Variants in RBM19 observed in about 807,000 individuals in gnomAD.
The protein encoded by RBM19 is RNA binding motif protein 19.
A neutral mutation model predicts 116.8 loss-of-function variants in RBM19; 94 were observed. The ratio of observed to expected loss-of-function variants is 0.80; its 90% CI spans 0.68 to 0.95. The LOEUF (loss-of-function observed/expected upper bound fraction) is 0.95, where lower values mean the gene tolerates loss of function less well. RBM19 is among the 40% of genes least tolerant of loss of function. RBM19 has a pLI of 0.00. For synonymous variants in RBM19, 475 were observed against 494.1 expected (o/e 0.96, Z 0.51); for missense variants, 1,161 against 1,220.7 (o/e 0.95, Z 0.73).
At chr12:113,908,219 C>T (rs1882196139) in intron 21 of RBM19, among the ~76,000 whole-genome samples, 1 of 152,118 alleles carries the variant, frequency 6.6e-6, no homozygotes. Context: ...TGTGTCTCTG[C>T]CCTAGCAGAT....
At chr12:113,960,909 G>C (rs931157464) in intron 2 of RBM19, among the ~76,000 whole-genome samples, 4 of 152,238 alleles carry the variant, frequency 2.6e-5, no homozygotes, top group Admixed American at 2.6e-4. Flanking sequence ...TCCTCTGAGA[G>C]GACTTTGAGA....
At chr12:113,895,576 A>G (rs919267658) in intron 21 of RBM19, among the ~76,000 whole-genome samples, 7 of 152,182 alleles carry the variant, frequency 4.6e-5, no homozygotes, top group Non-Finnish European at 1.0e-4. Flanking sequence ...TGGACACAAC[A>G]CTATCACATC....
intron 20 of RBM19, among the ~76,000 whole-genome samples, chr12:113,915,766 G>C (rs372560371): frequency 6.6e-6 from 1 of 152,188 alleles, no homozygotes; most frequent in Admixed American, 6.5e-5. Flanking sequence ...GTAATGATAG[G>C]CCCACCTAAT....
Position 113,948,824 on chromosome 12 carries a change from C to T in RBM19, c.1276+9G>A. ...TGGGCTATCCACGGCCCGGAGGCCA[C>T]ACCCCTACCATATTTGGAGAAGAGC... On this transcript the variant is annotated intron_variant, in intron 10 of 23. Coordinates refer to ENST00000261741, the MANE Select transcript of RBM19 (RefSeq NM_016196.4). The T allele has an allele frequency of 6.2e-7, 1 of 1,614,034 alleles. No homozygotes were observed. Among genetic ancestry groups the T allele is most frequent in the Non-Finnish European group, 8.5e-7 (1 of 1,179,940 alleles).
chr12:113,886,450 C>G (rs1484328358), intron 21 of RBM19, among the ~76,000 whole-genome samples: 1 of 152,118 alleles, frequency 6.6e-6, no homozygotes, highest in East Asian at 1.9e-4. Flanking sequence ...CCATTTTAAC[C>G]AGTGACAGAC....
chr12:113,899,837 C>T (rs146404399), intron 21 of RBM19, among the ~76,000 whole-genome samples: 29 of 152,234 alleles, frequency 1.9e-4, no homozygotes, highest in Non-Finnish European at 3.7e-4. Flanking sequence ...GAAGACATGG[C>T]GCGCAATTAT....
chr12:113,965,028 T>C (rs1294553235), intron 1 of RBM19, among the ~76,000 whole-genome samples: 5 of 151,230 alleles, frequency 3.3e-5, no homozygotes, highest in African/African-American at 1.2e-4. Context: ...TCCCAGCACT[T>C]TGGGAGGCCG....
intron 21 of RBM19, among the ~76,000 whole-genome samples, chr12:113,878,671 A>ACC (rs1555234676): frequency 0.018 from 2,537 of 141,982 alleles, 71 homozygotes; most frequent in African/African-American, 0.059. Flanking sequence ...ACACACACAC[A>ACC]CCCTCACTCA....
At chr12:113,966,031 A>G in intron 1 of RBM19, 161 bp downstream of exon 1, 1 of 753,738 alleles carries the variant, frequency 1.3e-6, no homozygotes, top group Non-Finnish European at 2.2e-6. Context: ...CTCGGGATCA[A>G]ATGGGGATAA....
chr12:113,876,464 C>A (rs564486140), intron 21 of RBM19, among the ~76,000 whole-genome samples: 2 of 152,146 alleles, frequency 1.3e-5, no homozygotes. Context: ...TGGCAATGAA[C>A]ACAGAGCTGG....
At chr12:113,878,339 T>C (rs1025919197) in intron 21 of RBM19, among the ~76,000 whole-genome samples, 3 of 152,170 alleles carry the variant, frequency 2.0e-5, no homozygotes, top group African/African-American at 7.2e-5. Context: ...GGGCACTTAT[T>C]AGAAGCCGTG....
intron 22 of RBM19, among the ~76,000 whole-genome samples, chr12:113,848,519 GTTATATTTGACACA>G (rs1474862627): frequency 5.9e-5 from 9 of 152,164 alleles, no homozygotes; most frequent in African/African-American, 1.9e-4. Flanking sequence ...ACGAGAGCTT[GTTATATTTGACACA>G]TTCTAGGGGC....
intron 21 of RBM19, among the ~76,000 whole-genome samples, chr12:113,895,308 G>C (rs1044967402): frequency 3.9e-5 from 6 of 152,176 alleles, no homozygotes; most frequent in African/African-American, 1.4e-4. Flanking sequence ...CAGTCCACGA[G>C]GGATGATGGG....
chr12:113,942,527 A>G, intron 13 of RBM19, 93 bp from the exon 14 acceptor site: 1 of 927,170 alleles, frequency 1.1e-6, no homozygotes, highest in Non-Finnish European at 1.6e-6. Context: ...GGAGGCTGGG[A>G]TGGAAATGGA....
chr12:113,859,192 G>T (rs903974115), intron 21 of RBM19, among the ~76,000 whole-genome samples: 2 of 152,198 alleles, frequency 1.3e-5, no homozygotes, highest in South Asian at 4.1e-4. Context: ...ACTTCCCTGT[G>T]GGGTAACTAT....
At chr12:113,878,632 G>GACAC (rs55868508) in intron 21 of RBM19, among the ~76,000 whole-genome samples, 40,024 of 137,546 alleles carry the variant, frequency 0.29, 6,451 homozygotes, top group Non-Finnish European at 0.37. Context: ...CATTCTCCCT[G>GACAC]ACACACACAC....
At chr12:113,957,741 A>G (rs1379488207) in intron 6 of RBM19, 41 bp downstream of exon 6, 2 of 1,526,780 alleles carry the variant, frequency 1.3e-6, no homozygotes, top group Non-Finnish European at 1.8e-6. Context: ...CAAGCAGGAG[A>G]GCGCACCTCC....
At chr12:113,897,642 T>C (rs1881428237) in intron 21 of RBM19, among the ~76,000 whole-genome samples, 1 of 152,154 alleles carries the variant, frequency 6.6e-6, no homozygotes. Flanking sequence ...CAACACTCTG[T>C]CTCTTAAAAG....
intron 21 of RBM19, among the ~76,000 whole-genome samples, chr12:113,893,541 C>T (rs913693072): frequency 1.3e-5 from 2 of 152,186 alleles, no homozygotes; most frequent in African/African-American, 4.8e-5. Context: ...CATCATTTAG[C>T]CCGCCCTGTC....
Sources: allele counts gnomAD v4.1 joint callset (sites outside exome capture counted in the v4.1 genomes callset), GRCh38; gene constraint gnomAD v4.1.1; transcripts MANE v1.5; gene names NCBI Gene and HGNC (gene_info 2026-07-23, HGNC 2026-07-21).